Variants in COL6A6 observed in about 807,000 individuals in gnomAD.
COL6A6 encodes the protein collagen type VI alpha 6 chain.
A neutral mutation model predicts 208.6 loss-of-function variants in COL6A6; 183 were observed. The observed-to-expected ratio is 0.88, with a 90% confidence interval of 0.78 to 0.99. The LOEUF (loss-of-function observed/expected upper bound fraction) is 0.99. Among genes scored for constraint, COL6A6 ranks in the 50% least tolerant of loss-of-function variants. COL6A6 has a pLI of 0.00. For synonymous variants in COL6A6, 973 were observed against 1,011.8 expected (o/e 0.96, Z 0.73); for missense variants, 2,816 against 2,815.2 (o/e 1.00, Z -0.01).
At chr3:130,672,100 T>G (rs2066232491) in intron 36 of COL6A6, among the ~76,000 whole-genome samples, 1 of 152,258 alleles carries the variant, frequency 6.6e-6, no homozygotes, top group African/African-American at 2.4e-5. Flanking sequence ...CAATCTTGTC[T>G]GCATTTTCTA....
chr3:130,607,816 C>T (rs1382842700), intron 21 of COL6A6, among the ~76,000 whole-genome samples: 1 of 152,072 alleles, frequency 6.6e-6, no homozygotes, highest in Non-Finnish European at 1.5e-5. Flanking sequence ...AGACATTATC[C>T]CTCCCTCCCA....
chr3:130,565,436 G>A lies in COL6A6; in HGVS notation c.1104G>A (p.Glu368=), dbSNP rs774003807. 2 of 1,613,826 alleles carry A rather than the reference G, an allele frequency of 1.2e-6. No individual in the cohort carries two copies. Among genetic ancestry groups the A allele is most frequent in the Admixed American group, 3.3e-5 (2 of 60,000 alleles). Residue 368 remains glutamate, a synonymous_variant, in exon 4 of 37, where the codon GAG becomes GAA. Coordinates refer to ENST00000358511, the MANE Select transcript of COL6A6 (RefSeq NM_001102608.3). ...TGACCATCTTCACCCTGGGCATAGA[G>A]GGCGCCAGCGACACCCAGTTGGAAA... ...EGVTIFTLGI[E]GASDTQLEKI...
intron 26 of COL6A6, among the ~76,000 whole-genome samples, chr3:130,628,729 G>A (rs573403210): frequency 8.2e-6 from 1 of 122,028 alleles, no homozygotes; most frequent in South Asian, 2.4e-4. Flanking sequence ...TTTTAAGATC[G>A]TGTCGAAGAT....
At position 130,563,471 on chromosome 3, in the gene COL6A6, A is replaced by G. The variant is rs199855682; in HGVS notation, c.468A>G (p.Lys156=). 8.1e-6 allele frequency: 13 copies of G among 1,613,940 alleles called. No individual in the cohort carries two copies. The African/African-American group carries it at 1.7e-4, about 22-fold the overall frequency. Residue 156 remains lysine, a synonymous_variant, in exon 3 of 37, where the codon AAA becomes AAG. Transcript: ENST00000358511. ...AAGAGGCATCAAAGGCCCTGCGGAA[A>G]GACGGAGTGAAAATCATCTCTGTAG... ...NVEEASKALR[K]DGVKIISVGV...
chr3:130,533,095 C>T (rs999297360), intron 1 of COL6A6, among the ~76,000 whole-genome samples: 4 of 152,042 alleles, frequency 2.6e-5, no homozygotes, highest in Admixed American at 6.5e-5. Context: ...TCAAGTAAGT[C>T]ATTAAAGCTA....
intron 1 of COL6A6, among the ~76,000 whole-genome samples, chr3:130,555,368 C>T (rs1370601104): frequency 6.6e-6 from 1 of 152,172 alleles, no homozygotes; most frequent in African/African-American, 2.4e-5. Flanking sequence ...CTTCCTCCCT[C>T]TTCAGCCCCA....
intron 24 of COL6A6, among the ~76,000 whole-genome samples, chr3:130,622,212 T>C (rs190649885): frequency 0.36 from 19,275 of 54,262 alleles, 2,393 homozygotes; most frequent in Admixed American, 0.53. Context: ...TACCCCCCCC[T>C]TTTTTTTTTT....
chr3:130,567,418 T>C (rs1229082742), intron 5 of COL6A6, among the ~76,000 whole-genome samples, 156 bp downstream of exon 5: 10 of 152,200 alleles, frequency 6.6e-5, no homozygotes, highest in Non-Finnish European at 1.5e-4. Flanking sequence ...TAAGAGCCCA[T>C]TATACTGTTG....
intron 36 of COL6A6, among the ~76,000 whole-genome samples, chr3:130,673,692 T>G (rs1392616706): frequency 5.9e-5 from 9 of 152,160 alleles, no homozygotes; most frequent in Non-Finnish European, 1.3e-4. Context: ...CATGGGTGGC[T>G]AACTCCTGTA....
At chr3:130,578,765 A>G (rs1313163914) in intron 8 of COL6A6, among the ~76,000 whole-genome samples, 1 of 152,216 alleles carries the variant, frequency 6.6e-6, no homozygotes, top group African/African-American at 2.4e-5. Flanking sequence ...CACCTAGGGC[A>G]GGAAATGCTG....
chr3:130,617,428 C>T (rs1219664377), intron 23 of COL6A6, among the ~76,000 whole-genome samples: 2 of 151,926 alleles, frequency 1.3e-5, no homozygotes, highest in Non-Finnish European at 2.9e-5. Context: ...TTCCGGGTAA[C>T]CAAGGAAAGG....
At chr3:130,645,763 C>T (rs2065447117) in intron 32 of COL6A6, among the ~76,000 whole-genome samples, 2 of 152,180 alleles carry the variant, frequency 1.3e-5, no homozygotes, top group South Asian at 2.1e-4. Context: ...TGTTAATTAT[C>T]AAGTTGGCTT....
rs146131825 is a variant in COL6A6, at chr3:130,530,349, C to T, written c.-32+12952C>T. Among the ~76,000 whole-genome samples, 912 of 152,118 alleles carry T rather than the reference C, an allele frequency of 6.0e-3. 11 individuals carry two copies. Among genetic ancestry groups the T allele is most frequent in the East Asian group, 0.04 (206 of 5,166 alleles). On this transcript the variant is annotated intron_variant, in intron 1 of 36. Coordinates refer to ENST00000358511, the MANE Select transcript of COL6A6 (RefSeq NM_001102608.3). Reference sequence around the variant, plus strand: ...GGACTGCCTGGCCTCAAAACCCTTGCTCTGTTGCTTAAAAACCGTTTGGCT... The same window carrying T: ...GGACTGCCTGGCCTCAAAACCCTTGTTCTGTTGCTTAAAAACCGTTTGGCT...
At chr3:130,548,868 T>C (rs974496472) in intron 1 of COL6A6, among the ~76,000 whole-genome samples, 8 of 152,244 alleles carry the variant, frequency 5.3e-5, no homozygotes, top group African/African-American at 1.7e-4. Flanking sequence ...ATTTGCCTGT[T>C]AGTCTCTCCA....
rs561417389 is a variant in COL6A6 at position 130,524,629 on chromosome 3, C to T, written c.-32+7232C>T. ...GTAGTTGCCTTTTTACTTCCAAAAG[C>T]ATGAAGGACTTTATTTATCTGTTTA... On this transcript the variant is annotated intron_variant, in intron 1 of 36. Transcript: ENST00000358511. Among the ~76,000 whole-genome samples, 460 of 150,436 alleles carry T rather than the reference C, an allele frequency of 3.1e-3. 2 individuals are homozygous for T. Among genetic ancestry groups the T allele is most frequent in the Non-Finnish European group, 5.3e-3 (363 of 68,018 alleles).
At chr3:130,572,781 C>T (rs1348185121) in intron 7 of COL6A6, among the ~76,000 whole-genome samples, 1 of 152,172 alleles carries the variant, frequency 6.6e-6, no homozygotes, top group Non-Finnish European at 1.5e-5. Flanking sequence ...TACCATATTT[C>T]TTCTTATCAC....
intron 32 of COL6A6, 108 bp downstream of exon 32, chr3:130,645,110 C>T: frequency 1.9e-6 from 2 of 1,067,626 alleles, no homozygotes; most frequent in Non-Finnish European, 1.5e-6. Context: ...CAAATTTTAT[C>T]TGGGCTTTCT....
intron 1 of COL6A6, among the ~76,000 whole-genome samples, chr3:130,543,657 G>A (rs538838145): frequency 6.6e-6 from 1 of 152,164 alleles, no homozygotes; most frequent in African/African-American, 2.4e-5. Context: ...TCCATCTATT[G>A]TAACATTGCT....
Position 130,662,213 on chromosome 3 carries a change from CT to C in COL6A6, c.6410del (p.Leu2137TrpfsTer20). 3.7e-6 allele frequency: 6 copies of C among 1,614,002 alleles called. No homozygotes were observed. The highest frequency in any genetic ancestry group is 5.1e-6 in the Non-Finnish European group (6 of 1,179,876). ...GAACTGGAGGATCTCGCCAGCCACC[CT>C]TTGGATCACCACCTGGTCCAGCTTG... ...DKELEDLASHPLDHHLVQLGR... is the reference protein window; with the variant it reads ...DKELEDLASHXLDHHLVQLGR... On this transcript the variant is annotated frameshift_variant, in exon 35 of 37. Coordinates refer to ENST00000358511, the MANE Select transcript of COL6A6 (RefSeq NM_001102608.3). LOFTEE classifies it high-confidence loss of function.
Sources: allele counts gnomAD v4.1 joint callset (sites outside exome capture counted in the v4.1 genomes callset), GRCh38; gene constraint gnomAD v4.1.1; transcripts MANE v1.5; gene names NCBI Gene and HGNC (gene_info 2026-07-23, HGNC 2026-07-21).